Variants in SCG5 observed in about 807,000 individuals in gnomAD.
SCG5 encodes the protein neuroendocrine protein 7B2.
Under a neutral mutation model 25.7 loss-of-function variants are expected in SCG5, and 18 were observed. The ratio of observed to expected loss-of-function variants is 0.70; its 90% CI spans 0.48 to 1.04. SCG5 has a LOEUF of 1.04. Among genes scored for constraint, SCG5 ranks in the 50% least tolerant of loss-of-function variants. The probability of loss-of-function intolerance (pLI) is 0.00; values close to 1 mark genes in which losing one functional copy is unlikely to be tolerated. For missense variants in SCG5, 206 were observed against 259.8 expected (o/e 0.79, Z 1.42); for synonymous variants, 101 against 91.7 (o/e 1.10, Z -0.58).
chr15:32,684,650 A>C lies in SCG5; in HGVS notation c.470A>C (p.Tyr157Ser), dbSNP rs1212685729. 5 of 1,613,088 alleles carry C rather than the reference A, an allele frequency of 3.1e-6. No individual in the cohort carries two copies. In the African/African-American group the frequency reaches 6.7e-5, roughly 22 times the overall value. ...CATCTCTTTGATCCGGAACATGACTATCCAGGCTTGGGCAAGTGGGTAAGT... is the reference window on the plus strand; with the variant it reads ...CATCTCTTTGATCCGGAACATGACTCTCCAGGCTTGGGCAAGTGGGTAAGT... ...HQHLFDPEHD[Y>S]PGLGKWNKKL... is the part of the protein sequence containing the mutation. Residue 157 changes from tyrosine to serine, a missense_variant, in exon 4 of 6, where the codon TAT (tyrosine) becomes TCT (serine). Tyr to Ser is a moderately radical substitution (Grantham distance 144). Coordinates refer to ENST00000300175, the MANE Select transcript of SCG5 (RefSeq NM_001144757.3).
intron 2 of SCG5, among the ~76,000 whole-genome samples, chr15:32,668,161 C>T (rs1336288817): frequency 6.6e-6 from 1 of 152,234 alleles, no homozygotes; most frequent in Non-Finnish European, 1.5e-5. Context: ...AATTAACCCT[C>T]ACCCCACCAC....
At chr15:32,690,937 C>T (rs2054842493) in intron 4 of SCG5, among the ~76,000 whole-genome samples, 1 of 151,310 alleles carries the variant, frequency 6.6e-6, no homozygotes, top group South Asian at 2.1e-4. Context: ...CCCCCACCGC[C>T]ACCAAATCCC....
rs117874565 is a variant in SCG5 at position 32,671,066 on chromosome 15, G to A, written c.227-8700G>A. Reference sequence around the variant, plus strand: ...CCGATTTGTATCCTCCCACAAGCATGTTATCCCCGGGTTAAAAGGGGAGGA... The same window carrying A: ...CCGATTTGTATCCTCCCACAAGCATATTATCCCCGGGTTAAAAGGGGAGGA... On this transcript the variant is annotated intron_variant, in intron 2 of 5. Transcript: ENST00000300175. Among the ~76,000 whole-genome samples, 304 of 152,294 alleles carry A rather than the reference G, an allele frequency of 2.0e-3. 1 individual carries two copies. Among genetic ancestry groups the A allele is most frequent in the Middle Eastern group, 3.4e-3 (1 of 294 alleles).
chr15:32,666,494 G>A (rs2054320271), intron 2 of SCG5: 1 of 152,188 alleles, frequency 6.6e-6, no homozygotes, highest in Non-Finnish European at 1.5e-5. Context: ...GGCACCTAAA[G>A]TCAAGGAGAA....
At chr15:32,659,199 C>A (rs943381418) in intron 2 of SCG5, among the ~76,000 whole-genome samples, 2 of 149,044 alleles carry the variant, frequency 1.3e-5, no homozygotes, top group Non-Finnish European at 3.0e-5. Flanking sequence ...CAAAAAAAAC[C>A]AAAAAAACTG....
chr15:32,694,006 A>T (rs2054911541), intron 5 of SCG5, among the ~76,000 whole-genome samples: 1 of 152,136 alleles, frequency 6.6e-6, no homozygotes, highest in African/African-American at 2.4e-5. Context: ...GGTACTCGGG[A>T]GGCTGAGGCA....
intron 2 of SCG5, among the ~76,000 whole-genome samples, chr15:32,654,770 C>T (rs183834148): frequency 6.4e-4 from 97 of 152,272 alleles, no homozygotes; most frequent in African/African-American, 2.2e-3. Context: ...AGTGCCTAGA[C>T]AAGGCCAGGC....
chr15:32,644,185 C>G (rs2053909429), intron 2 of SCG5, among the ~76,000 whole-genome samples: 1 of 152,124 alleles, frequency 6.6e-6, no homozygotes, highest in Non-Finnish European at 1.5e-5. Flanking sequence ...AAGATTAGAA[C>G]CCAGACATGA....
intron 4 of SCG5, among the ~76,000 whole-genome samples, chr15:32,687,572 A>G (rs1316683672): frequency 6.6e-6 from 1 of 152,210 alleles, no homozygotes; most frequent in Non-Finnish European, 1.5e-5. Flanking sequence ...CTCAGTGCTT[A>G]TATGGAATGA....
At chr15:32,691,584 G>C in intron 4 of SCG5, 126 bp from the exon 5 acceptor site, 1 of 755,370 alleles carries the variant, frequency 1.3e-6, no homozygotes, top group Non-Finnish European at 2.2e-6. Flanking sequence ...CTTTCATCTA[G>C]TTTTGTTTCC....
At chr15:32,669,139 A>AT (rs1297307442) in intron 2 of SCG5, 2 of 152,182 alleles carry the variant, frequency 1.3e-5, no homozygotes, top group East Asian at 3.9e-4. Flanking sequence ...AGAGTACTAC[A>AT]TGTTAATTAG....
At chr15:32,677,942 A>G (rs6494576) in intron 2 of SCG5, among the ~76,000 whole-genome samples, 59,647 of 152,100 alleles carry the variant, frequency 0.39, 12,542 homozygotes, top group East Asian at 0.65. Flanking sequence ...GGTGCTCAGA[A>G]TAGGTTTTCG....
At chr15:32,645,957 T>A (rs774127495) in intron 2 of SCG5, among the ~76,000 whole-genome samples, 20 of 152,116 alleles carry the variant, frequency 1.3e-4, no homozygotes, top group Non-Finnish European at 2.1e-4. Context: ...AGTAGCTGTT[T>A]ACAGGCGCCC....
chr15:32,643,846 G>A, intron 2 of SCG5, 28 bp downstream of exon 2: 6 of 1,575,270 alleles, frequency 3.8e-6, no homozygotes, highest in Non-Finnish European at 5.2e-6. Flanking sequence ...ATGGTTTGAA[G>A]TTTCCGTTAG....
chr15:32,651,576 A>G (rs2054031568), intron 2 of SCG5, among the ~76,000 whole-genome samples: 2 of 152,234 alleles, frequency 1.3e-5, no homozygotes, highest in Admixed American at 1.3e-4. Flanking sequence ...TTTCTAGGTT[A>G]TCCTCACCCT....
At chr15:32,659,564 C>T (rs2054182550) in intron 2 of SCG5, among the ~76,000 whole-genome samples, 1 of 152,200 alleles carries the variant, frequency 6.6e-6, no homozygotes, top group Non-Finnish European at 1.5e-5. Flanking sequence ...TCAGTTCCCC[C>T]AGTGGCCTGT....
At chr15:32,680,405 A>G (rs2054599190) in intron 3 of SCG5, among the ~76,000 whole-genome samples, 1 of 151,708 alleles carries the variant, frequency 6.6e-6, no homozygotes, top group Non-Finnish European at 1.5e-5. Context: ...TCAGCGTGTT[A>G]GCCAGGATGG....
rs2054870269 is a variant in SCG5, at chr15:32,692,157, A to G, written c.543+394A>G. 8.6e-6 allele frequency: 9 copies of G among 1,044,096 alleles called. No individual in the cohort carries two copies. In the South Asian group the frequency reaches 3.1e-4, roughly 36 times the overall value. 64.7% of individuals were successfully genotyped at this position (1,044,096 alleles called of 1,614,324 possible). A position where few individuals can be genotyped will look rare whatever the true frequency, so the allele number is the denominator to read the frequency against. ...CATCAATTCTATAAAAACACAGGAC[A>G]GAAACAGGGAAGTGCTGAACTGCAT... On this transcript the variant is annotated intron_variant, in intron 5 of 5. Transcript: ENST00000300175.
chr15:32,692,244 C>T (rs2054872068), intron 5 of SCG5: 3 of 989,750 alleles, frequency 3.0e-6, no homozygotes, highest in Non-Finnish European at 3.6e-6. Flanking sequence ...AACTTAATTT[C>T]TCCTATGTAT....
Sources: allele counts gnomAD v4.1 joint callset (sites outside exome capture counted in the v4.1 genomes callset), GRCh38; gene constraint gnomAD v4.1.1; transcripts MANE v1.5; gene names NCBI Gene and HGNC (gene_info 2026-07-23, HGNC 2026-07-21).